The following TCF7L1 variants were observed in gnomAD, a reference collection of about 807,000 sequenced individuals.
TCF7L1 encodes the protein transcription factor 7 like 1.
A neutral mutation model predicts 63.7 loss-of-function variants in TCF7L1; 18 were observed. The ratio of observed to expected loss-of-function variants is 0.28; its 90% CI spans 0.20 to 0.42. The LOEUF is 0.42. Among genes scored for constraint, TCF7L1 ranks in the 10% least tolerant of loss-of-function variants. TCF7L1 has a pLI of 1.00. For synonymous variants in TCF7L1, 355 were observed against 340.9 expected, an observed-to-expected ratio of 1.04 and a Z score of -0.46; for missense variants, 654 against 779.3, an observed-to-expected ratio of 0.84 and a Z score of 1.91.
chr2:85,140,223 G>C (rs1412895160), intron 3 of TCF7L1, among the ~76,000 whole-genome samples: 1 of 152,152 alleles, frequency 6.6e-6, no homozygotes, highest in East Asian at 1.9e-4. Flanking sequence ...GTGGACAGAT[G>C]CTTACTGAAT....
At position 85,211,153 on chromosome 2, in the gene TCF7L1, A is replaced by G. The variant is rs111979831; in HGVS notation, c.442-72342A>G. 9.3e-3 allele frequency among the ~76,000 whole-genome samples: 1,415 copies of G among 152,294 alleles called. 24 individuals carry two copies. Among genetic ancestry groups the G allele is most frequent in the African/African-American group, 0.032 (1,335 of 41,556 alleles). Reference sequence around the variant, plus strand: ...GAGAATTTAGGTATCCAGGGATCCAATTGCTTTCTTATTTACTGAGAGATA... The same window carrying G: ...GAGAATTTAGGTATCCAGGGATCCAGTTGCTTTCTTATTTACTGAGAGATA... On this transcript the variant is annotated intron_variant, in intron 3 of 11. Coordinates refer to ENST00000282111, the MANE Select transcript of TCF7L1 (RefSeq NM_031283.3).
chr2:85,217,732 T>C (rs942629393), intron 3 of TCF7L1, among the ~76,000 whole-genome samples: 1 of 152,150 alleles, frequency 6.6e-6, no homozygotes, highest in Admixed American at 6.5e-5. Flanking sequence ...GGGCCAGAAG[T>C]GTTTCGCAGT....
chr2:85,286,581 T>C (rs990471371), intron 4 of TCF7L1, among the ~76,000 whole-genome samples: 15 of 151,728 alleles, frequency 9.9e-5, no homozygotes, highest in African/African-American at 3.4e-4. Flanking sequence ...CCACAACCTC[T>C]GCCTCCTGGG....
chr2:85,228,512 CGTT>C (rs1680004997), intron 3 of TCF7L1, among the ~76,000 whole-genome samples: 1 of 152,068 alleles, frequency 6.6e-6, no homozygotes, highest in South Asian at 2.1e-4. Flanking sequence ...CCAGTGGGGA[CGTT>C]GTGCTGAGGA....
At chr2:85,144,146 C>A (rs2104192342) in intron 3 of TCF7L1, among the ~76,000 whole-genome samples, 1 of 152,148 alleles carries the variant, frequency 6.6e-6, no homozygotes, top group African/African-American at 2.4e-5. Context: ...TCTGGTGAAC[C>A]AAATGTACAA....
intron 3 of TCF7L1, among the ~76,000 whole-genome samples, chr2:85,252,346 G>A (rs1238261920): frequency 2.0e-5 from 3 of 152,234 alleles, no homozygotes; most frequent in East Asian, 1.9e-4. Context: ...CGCAGGACTT[G>A]TAGATAATTC....
At position 85,163,567 on chromosome 2, in the gene TCF7L1, A is replaced by G. The variant is rs570390706; in HGVS notation, c.441+29117A>G. On this transcript the variant is annotated intron_variant, in intron 3 of 11. Coordinates refer to ENST00000282111, the MANE Select transcript of TCF7L1 (RefSeq NM_031283.3). ...AAGTAAGATTTCCTTGTTTCAGGCC[A>G]TACGTTTGATTTTGAATGTTGTATT... Among the ~76,000 whole-genome samples the G allele has an allele frequency of 2.7e-4, 41 of 152,334 alleles. 1 individual carries two copies. The highest frequency in any genetic ancestry group is 8.9e-4 in the African/African-American group (37 of 41,572).
intron 3 of TCF7L1, among the ~76,000 whole-genome samples, chr2:85,193,664 T>C (rs1228086783): frequency 6.6e-6 from 1 of 152,218 alleles, no homozygotes; most frequent in Admixed American, 6.5e-5. Context: ...ACTGCTCCAC[T>C]TGACTAGCCT....
intron 3 of TCF7L1, among the ~76,000 whole-genome samples, chr2:85,143,608 T>G (rs1182694694): frequency 1.3e-5 from 2 of 152,192 alleles, no homozygotes; most frequent in Non-Finnish European, 1.5e-5. Flanking sequence ...AAGGTTACAT[T>G]GATGGTGATT....
rs201795377 is a variant in TCF7L1, at chr2:85,307,727, G to A, written c.1333+10G>A. 9.3e-6 allele frequency: 15 copies of A among 1,612,552 alleles called. No individual in the cohort carries two copies. The highest frequency in any genetic ancestry group is 2.2e-5 in the East Asian group (1 of 44,876). ...GTCCAGGAGGCAGAGGGTGCGTCTC[G>A]GGGCACTGGCCTCTTCTCCTGCTTT... On this transcript the variant is annotated intron_variant, in intron 11 of 11. Transcript: ENST00000282111.
intron 4 of TCF7L1, among the ~76,000 whole-genome samples, chr2:85,285,160 G>GA (rs1343454979): frequency 5.3e-5 from 8 of 152,072 alleles, no homozygotes; most frequent in Non-Finnish European, 1.2e-4. Flanking sequence ...GTGAACCCCG[G>GA]AGGCGGAGCT....
intron 3 of TCF7L1, among the ~76,000 whole-genome samples, chr2:85,157,712 A>T (rs145978689): frequency 2.2e-3 from 330 of 152,314 alleles, no homozygotes; most frequent in African/African-American, 7.7e-3. Flanking sequence ...TATTGAACCC[A>T]TGGGGTTTTC....
intron 3 of TCF7L1, among the ~76,000 whole-genome samples, chr2:85,149,154 G>A (rs1677947220): frequency 6.6e-6 from 1 of 152,120 alleles, no homozygotes; most frequent in Non-Finnish European, 1.5e-5. Context: ...AAAGCAATTA[G>A]TATTTAGTGC....
intron 3 of TCF7L1, among the ~76,000 whole-genome samples, chr2:85,238,363 C>A (rs1476698463): frequency 6.6e-6 from 1 of 152,112 alleles, no homozygotes; most frequent in Non-Finnish European, 1.5e-5. Flanking sequence ...GGGGGAAGGG[C>A]ACAAGCAAAC....
chr2:85,285,446 C>T (rs941210915), intron 4 of TCF7L1, among the ~76,000 whole-genome samples: 5 of 152,194 alleles, frequency 3.3e-5, no homozygotes, highest in African/African-American at 4.8e-5. Context: ...TCACAGCCAT[C>T]ACCAGGGAGT....
intron 3 of TCF7L1, among the ~76,000 whole-genome samples, chr2:85,142,271 A>G (rs1176888639): frequency 6.6e-6 from 1 of 152,034 alleles, no homozygotes; most frequent in African/African-American, 2.4e-5. Context: ...TACAAAACAT[A>G]CACAAACTTA....
chr2:85,243,029 T>C lies in TCF7L1; in HGVS notation c.442-40466T>C, dbSNP rs562171113. Among the ~76,000 whole-genome samples, 3 of 152,346 alleles carry C rather than the reference T, an allele frequency of 2.0e-5. No homozygotes were observed. The East Asian group carries it at 5.8e-4, about 29-fold the overall frequency. ...ATAGTAGTTAACAATAAGTAACTGT[T>C]CAATTGGCTTCTAGTTGAACCTCAT... is the stretch of plus-strand genomic sequence containing the variant. On this transcript the variant is annotated intron_variant, in intron 3 of 11. Transcript: ENST00000282111.
At chr2:85,267,261 G>A (rs529135700) in intron 3 of TCF7L1, among the ~76,000 whole-genome samples, 1 of 151,316 alleles carries the variant, frequency 6.6e-6, no homozygotes, top group Admixed American at 6.6e-5. Context: ...AACCCGGGAG[G>A]CGGAGGTTGC....
rs192026270 is a variant in TCF7L1, at chr2:85,168,836, G to A, written c.441+34386G>A. Among the ~76,000 whole-genome samples, 114 of 152,298 alleles carry A rather than the reference G, an allele frequency of 7.5e-4. 1 individual carries two copies. The East Asian group carries it at 0.018, about 23-fold the overall frequency. On this transcript the variant is annotated intron_variant, in intron 3 of 11. Transcript: ENST00000282111. ...GAGTTTCACCATATTGGCCAGGCTGGTCTCAAACTCCTGACCTCATGTGAT... is the reference window on the plus strand; with the variant it reads ...GAGTTTCACCATATTGGCCAGGCTGATCTCAAACTCCTGACCTCATGTGAT...
Sources: allele counts gnomAD v4.1 joint callset (sites outside exome capture counted in the v4.1 genomes callset), GRCh38; gene constraint gnomAD v4.1.1; transcripts MANE v1.5; gene names NCBI Gene and HGNC (gene_info 2026-07-23, HGNC 2026-07-21).